Variants in WWOX observed in about 807,000 individuals in gnomAD.
WWOX encodes WW domain-containing oxidoreductase.
A neutral mutation model predicts 46.2 loss-of-function variants in WWOX; 69 were observed. That is an observed-to-expected ratio of 1.49 (90% CI 1.23 to 1.82). The LOEUF (loss-of-function observed/expected upper bound fraction) is 1.82. Among genes scored for constraint, WWOX ranks in the 40% most tolerant of loss-of-function variants. WWOX has a pLI of 0.00. For synonymous variants in WWOX, 359 were observed against 202.6 expected, an observed-to-expected ratio of 1.77 and a Z score of -6.56; for missense variants, 919 against 542.6, an observed-to-expected ratio of 1.69 and a Z score of -6.89.
At chr16:78,126,840 G>A (rs2033383188) in intron 4 of WWOX, among the ~76,000 whole-genome samples, 1 of 152,198 alleles carries the variant, frequency 6.6e-6, no homozygotes, top group South Asian at 2.1e-4. Flanking sequence ...GGAGTCCCAA[G>A]ATGACACAGT....
chr16:78,219,836 T>G (rs2036834681), intron 5 of WWOX, among the ~76,000 whole-genome samples: 1 of 152,182 alleles, frequency 6.6e-6, no homozygotes, highest in Non-Finnish European at 1.5e-5. Flanking sequence ...CCTGTTCTCT[T>G]GTTTTATCTT....
chr16:78,872,296 A>G lies in WWOX; in HGVS notation c.1057-339312A>G, dbSNP rs916984927. Among the ~76,000 whole-genome samples, 4 of 152,326 alleles carry G rather than the reference A, an allele frequency of 2.6e-5. 1 individual carries two copies. In the East Asian group the frequency reaches 7.7e-4, roughly 29 times the overall value. On this transcript the variant is annotated intron_variant, in intron 8 of 8. Transcript: ENST00000566780. ...CTCCAAGTCTCAGTTTTCTCATAAG[A>G]AAGATGGGCATAAGGAAATAATGTA...
chr16:78,595,632 G>T (rs1597323109), intron 8 of WWOX, among the ~76,000 whole-genome samples: 2 of 152,352 alleles, frequency 1.3e-5, no homozygotes, highest in African/African-American at 4.8e-5. Flanking sequence ...CAGCTGACCA[G>T]TGTGGATGTC....
At chr16:78,927,901 C>A (rs565394814) in intron 8 of WWOX, among the ~76,000 whole-genome samples, 5 of 152,138 alleles carry the variant, frequency 3.3e-5, no homozygotes, top group Non-Finnish European at 7.3e-5. Flanking sequence ...CAGACACTTA[C>A]ATATTCCTAG....
Position 78,934,337 on chromosome 16 carries a change from CA to C in WWOX, c.1057-277257del, listed in dbSNP as rs747448353. Among the ~76,000 whole-genome samples the C allele has an allele frequency of 3.1e-3, 241 of 78,238 alleles. 7 individuals carry two copies. Among genetic ancestry groups the C allele is most frequent in the Admixed American group, 5.4e-3 (43 of 7,942 alleles). 51.3% of individuals were successfully genotyped at this position (78,238 alleles called of 152,430 possible). On this transcript the variant is annotated intron_variant, in intron 8 of 8. Coordinates refer to ENST00000566780, the MANE Select transcript of WWOX (RefSeq NM_016373.4). ...TGGGCGACAGAGCAAGTCTCCGTCTCAAAAAAAAAAAAAAGAAGAAACTTAG... is the reference window on the plus strand; with the variant it reads ...TGGGCGACAGAGCAAGTCTCCGTCTCAAAAAAAAAAAAAGAAGAAACTTAG...
chr16:78,671,147 G>A, intron 8 of WWOX, among the ~76,000 whole-genome samples: 1 of 152,304 alleles, frequency 6.6e-6, no homozygotes, highest in East Asian at 1.9e-4. Context: ...GTTGGGCCAG[G>A]TACAGTGGCT....
intron 5 of WWOX, among the ~76,000 whole-genome samples, chr16:78,284,344 A>C (rs2079733529): frequency 6.6e-6 from 1 of 152,158 alleles, no homozygotes; most frequent in Admixed American, 6.5e-5. Context: ...TTTAAAAATT[A>C]CCCCTTCAAC....
chr16:78,841,406 T>C (rs900202322), intron 8 of WWOX, among the ~76,000 whole-genome samples: 1 of 152,224 alleles, frequency 6.6e-6, no homozygotes, highest in Non-Finnish European at 1.5e-5. Context: ...TTTGCCTGTT[T>C]CTTCCAAAAT....
chr16:78,947,528 G>C (rs191774396), intron 8 of WWOX, among the ~76,000 whole-genome samples: 1 of 151,850 alleles, frequency 6.6e-6, no homozygotes, highest in Non-Finnish European at 1.5e-5. Flanking sequence ...GGAGCCTTTC[G>C]GCTGGAAAGC....
chr16:78,471,070 A>C (rs1482616480), intron 8 of WWOX, among the ~76,000 whole-genome samples: 1 of 152,202 alleles, frequency 6.6e-6, no homozygotes, highest in Non-Finnish European at 1.5e-5. Flanking sequence ...CCTACCCTGG[A>C]TGCTGATTTG....
intron 8 of WWOX, among the ~76,000 whole-genome samples, chr16:79,093,663 C>T (rs968167242): frequency 6.6e-6 from 1 of 152,198 alleles, no homozygotes; most frequent in South Asian, 2.1e-4. Flanking sequence ...TTTTACCGCA[C>T]ACTTCCTGTC....
chr16:79,156,624 C>T (rs1206346221), intron 8 of WWOX, among the ~76,000 whole-genome samples: 1 of 152,054 alleles, frequency 6.6e-6, no homozygotes, highest in African/African-American at 2.4e-5. Flanking sequence ...AATTGTGAAG[C>T]ACACACAGCT....
rs550331636 is a variant in WWOX, at chr16:78,120,982, GT to G, written c.409+5839del. On this transcript the variant is annotated intron_variant, in intron 4 of 8. Coordinates refer to ENST00000566780, the MANE Select transcript of WWOX (RefSeq NM_016373.4). The stretch of plus-strand genomic sequence containing the variant: ...TTGAGCCTAAAGCATGTCATTGATG[GT>G]TTTTTTTTTTCTAGTTATTCCAAAA... 4.9e-3 allele frequency among the ~76,000 whole-genome samples: 710 copies of G among 146,144 alleles called. 7 individuals carry two copies. Among genetic ancestry groups the G allele is most frequent in the African/African-American group, 0.016 (635 of 40,166 alleles).
rs2052209760 is a variant in WWOX at position 78,843,293 on chromosome 16, C to T, written c.1057-368315C>T. 2.7e-5 allele frequency among the ~76,000 whole-genome samples: 4 copies of T among 150,148 alleles called. 1 individual carries two copies. Among genetic ancestry groups the T allele is most frequent in the Non-Finnish European group, 6.0e-5 (4 of 67,106 alleles). On this transcript the variant is annotated intron_variant, in intron 8 of 8. Coordinates refer to ENST00000566780, the MANE Select transcript of WWOX (RefSeq NM_016373.4). ...GAATGCGATTTTTCTATTTCTCCACCTGCAAAATTCTTACTTTTTGGGCTG... is the reference window on the plus strand; with the variant it reads ...GAATGCGATTTTTCTATTTCTCCACTTGCAAAATTCTTACTTTTTGGGCTG...
chr16:78,126,828 G>T (rs998575562), intron 4 of WWOX, among the ~76,000 whole-genome samples: 1 of 152,300 alleles, frequency 6.6e-6, no homozygotes, highest in Middle Eastern at 3.4e-3. Context: ...TGCAATGGTG[G>T]TGGAGTCCCA....
chr16:78,788,224 C>T (rs188709309), intron 8 of WWOX, among the ~76,000 whole-genome samples: 1 of 152,164 alleles, frequency 6.6e-6, no homozygotes, highest in East Asian at 1.9e-4. Context: ...ATTGCCAAAT[C>T]CAAGGACATA....
chr16:79,153,901 C>T (rs13332065), intron 8 of WWOX, among the ~76,000 whole-genome samples: 5 of 152,006 alleles, frequency 3.3e-5, no homozygotes, highest in African/African-American at 4.8e-5. Context: ...GGTTTGAAAG[C>T]GTTTTCCAGG....
intron 8 of WWOX, among the ~76,000 whole-genome samples, chr16:78,734,715 T>C (rs1173539443): frequency 6.6e-6 from 1 of 152,038 alleles, no homozygotes. Flanking sequence ...GTCACCTGAT[T>C]ACAGCAGATT....
intron 8 of WWOX, among the ~76,000 whole-genome samples, chr16:78,588,007 A>G (rs543502506): frequency 6.6e-6 from 1 of 152,298 alleles, no homozygotes; most frequent in South Asian, 2.1e-4. Context: ...ATAAGATACA[A>G]ATGTGACCTG....
Sources: gnomAD v4.1 joint callset for allele counts (sites outside exome capture counted in the v4.1 genomes callset) on GRCh38, gnomAD v4.1.1 for gene constraint, MANE v1.5 for transcripts, NCBI Gene and HGNC (gene_info 2026-07-23, HGNC 2026-07-21) for gene names.